PAK5: variants seen among roughly 807,000 people sequenced by gnomAD.
PAK5 encodes serine/threonine-protein kinase PAK 5.
PAK5 carries 16 observed loss-of-function variants against 65.9 expected under a neutral mutation model. The observed-to-expected ratio is 0.24, with a 90% CI of 0.16 to 0.37. The LOEUF is 0.37. Among genes scored for constraint, PAK5 ranks in the 10% least tolerant of loss-of-function variants. The pLI, the probability that PAK5 is intolerant of heterozygous loss-of-function variation, is 1.00. For missense variants in PAK5, 785 were observed against 903.9 expected (o/e 0.87, Z 1.69); for synonymous variants, 371 against 354.9 (o/e 1.05, Z -0.51).
rs139753193 is a variant in PAK5, at chr20:9,550,997, A to G, written c.1744-6503T>C. On this transcript the variant is annotated intron_variant, in intron 7 of 9. Coordinates refer to ENST00000353224, the MANE Select transcript of PAK5 (RefSeq NM_177990.4). ...CTCAAAATCTGGCATCCTAATAACC[A>G]TCTCCCTGACAAAATGTGAGATGAG... Among the ~76,000 whole-genome samples, 193 of 152,244 alleles carry G rather than the reference A, an allele frequency of 1.3e-3. 2 individuals carry two copies. In the East Asian group the frequency reaches 0.032, roughly 25 times the overall value.
At chr20:9,783,197 A>T (rs1468322526) in intron 1 of PAK5, among the ~76,000 whole-genome samples, 1 of 152,036 alleles carries the variant, frequency 6.6e-6, no homozygotes, top group Non-Finnish European at 1.5e-5. Flanking sequence ...TAGCCTCCCA[A>T]AGTGCTGGGA....
intron 3 of PAK5, among the ~76,000 whole-genome samples, chr20:9,620,584 C>A (rs980987992): frequency 9.2e-5 from 14 of 152,164 alleles, no homozygotes; most frequent in African/African-American, 3.4e-4. Context: ...TCTAGCTGCT[C>A]ATGGGTGGAC....
intron 3 of PAK5, among the ~76,000 whole-genome samples, chr20:9,621,412 A>AC (rs2046766202): frequency 6.6e-6 from 1 of 151,652 alleles, no homozygotes; most frequent in Non-Finnish European, 1.5e-5. Flanking sequence ...GATTAAAAAA[A>AC]AAAAAAAAAA....
chr20:9,663,781 G>C (rs1238742431), intron 2 of PAK5, among the ~76,000 whole-genome samples: 1 of 152,170 alleles, frequency 6.6e-6, no homozygotes. Flanking sequence ...AGTAGGAGAA[G>C]ATGCGAACTT....
At chr20:9,557,415 G>T (rs552965598) in intron 7 of PAK5, among the ~76,000 whole-genome samples, 193 bp downstream of exon 7, 2 of 152,282 alleles carry the variant, frequency 1.3e-5, no homozygotes, top group South Asian at 4.1e-4. Context: ...ATCAAAGTCA[G>T]GCAATTCTGA....
At chr20:9,805,056 T>C (rs936509817) in intron 1 of PAK5, among the ~76,000 whole-genome samples, 3 of 152,000 alleles carry the variant, frequency 2.0e-5, no homozygotes, top group Non-Finnish European at 2.9e-5. Context: ...AATTTAAAAA[T>C]GGACACAGAA....
intron 3 of PAK5, among the ~76,000 whole-genome samples, chr20:9,605,036 T>C (rs2046427614): frequency 6.6e-6 from 1 of 152,200 alleles, no homozygotes; most frequent in African/African-American, 2.4e-5. Flanking sequence ...GAAAGCCACA[T>C]GACAGACTGA....
chr20:9,670,887 TA>T (rs1394567306), intron 2 of PAK5, among the ~76,000 whole-genome samples: 3 of 152,226 alleles, frequency 2.0e-5, no homozygotes, highest in African/African-American at 7.2e-5. Flanking sequence ...GGTTTTCTTC[TA>T]GGGTTTTTAT....
chr20:9,620,428 T>C (rs984773007), intron 3 of PAK5, among the ~76,000 whole-genome samples: 4 of 152,234 alleles, frequency 2.6e-5, no homozygotes, highest in Admixed American at 1.3e-4. Flanking sequence ...CTCTCCTCCA[T>C]GTTCAACTCC....
intron 1 of PAK5, among the ~76,000 whole-genome samples, chr20:9,782,354 G>T (rs2048949743): frequency 6.6e-6 from 1 of 152,024 alleles, no homozygotes; most frequent in Non-Finnish European, 1.5e-5. Context: ...ATTCTTACCT[G>T]TTCTCATTTA....
intron 1 of PAK5, among the ~76,000 whole-genome samples, chr20:9,790,690 G>A (rs529219236): frequency 6.6e-6 from 1 of 151,966 alleles, no homozygotes; most frequent in South Asian, 2.1e-4. Context: ...TTGTAGACAG[G>A]GTATCTTCAG....
At chr20:9,597,487 T>C (rs2046291490) in intron 3 of PAK5, among the ~76,000 whole-genome samples, 2 of 152,228 alleles carry the variant, frequency 1.3e-5, no homozygotes, top group Admixed American at 1.3e-4. Context: ...ACATGCCATT[T>C]GGTGTCCTGA....
chr20:9,625,366 T>G (rs932012719), intron 3 of PAK5, among the ~76,000 whole-genome samples: 3 of 152,218 alleles, frequency 2.0e-5, no homozygotes, highest in Non-Finnish European at 4.4e-5. Context: ...ATTGAAGAGC[T>G]AACTTCAAAT....
At chr20:9,699,745 G>GA (rs1009509470) in intron 2 of PAK5, among the ~76,000 whole-genome samples, 28 of 151,590 alleles carry the variant, frequency 1.8e-4, no homozygotes, top group Admixed American at 1.4e-3. Context: ...GGAGGACTTG[G>GA]AAAAAAAAGT....
intron 1 of PAK5, among the ~76,000 whole-genome samples, chr20:9,830,566 C>T (rs1978632863): frequency 6.6e-6 from 1 of 152,160 alleles, no homozygotes; most frequent in Non-Finnish European, 1.5e-5. Flanking sequence ...TGATCTATTT[C>T]CATATTATAC....
intron 1 of PAK5, among the ~76,000 whole-genome samples, chr20:9,794,223 G>C (rs1285035341): frequency 6.6e-6 from 1 of 151,968 alleles, no homozygotes; most frequent in Non-Finnish European, 1.5e-5. Context: ...GATACCTAAT[G>C]CATGTGGGGC....
At chr20:9,740,377 C>T (rs1038012772) in intron 1 of PAK5, among the ~76,000 whole-genome samples, 2 of 152,122 alleles carry the variant, frequency 1.3e-5, no homozygotes, top group African/African-American at 4.8e-5. Flanking sequence ...AGAGGCCTGG[C>T]TCTGTCTTTT....
intron 2 of PAK5, among the ~76,000 whole-genome samples, chr20:9,708,803 C>T (rs1276906779): frequency 6.6e-6 from 1 of 152,154 alleles, no homozygotes; most frequent in Non-Finnish European, 1.5e-5. Flanking sequence ...TAGCTAAATA[C>T]CCTAATTTCC....
At chr20:9,795,601 A>G (rs905007679) in intron 1 of PAK5, among the ~76,000 whole-genome samples, 10 of 152,150 alleles carry the variant, frequency 6.6e-5, no homozygotes, top group African/African-American at 2.2e-4. Context: ...GTTGAATAAA[A>G]TTTGTGGAGT....
Sources: gnomAD v4.1 joint callset for allele counts (sites outside exome capture counted in the v4.1 genomes callset) on GRCh38, gnomAD v4.1.1 for gene constraint, MANE v1.5 for transcripts, NCBI Gene and HGNC (gene_info 2026-07-23, HGNC 2026-07-21) for gene names.